The following MAPT variants were observed in gnomAD, a reference collection of about 807,000 sequenced individuals.
MAPT encodes the protein microtubule associated protein tau, also known as microtubule-associated protein tau.
A neutral mutation model predicts 67.9 loss-of-function variants in MAPT; 34 were observed. The ratio of observed to expected loss-of-function variants is 0.50; its 90% CI spans 0.38 to 0.67. MAPT has a LOEUF of 0.67. Among genes scored for constraint, MAPT ranks in the 30% least tolerant of loss-of-function variants. MAPT has a pLI of 0.00. For missense variants in MAPT, 881 were observed against 1,115.2 expected (o/e 0.79, Z 2.99); for synonymous variants, 456 against 464.5 (o/e 0.98, Z 0.23).
chr17:46,006,094 A>G (rs1442026490), intron 9 of MAPT, among the ~76,000 whole-genome samples: 1 of 152,224 alleles, frequency 6.6e-6, no homozygotes, highest in Admixed American at 6.5e-5. Flanking sequence ...AGAAGGAATT[A>G]CAAAGGAAGA....
Position 46,025,547 on chromosome 17 carries a change from G to A in MAPT, c.*1376G>A, listed in dbSNP as rs2076770596. On this transcript the variant is annotated 3_prime_UTR_variant, in exon 13 of 13. Coordinates refer to ENST00000262410, the MANE Select transcript of MAPT (RefSeq NM_001377265.1). ...CTCTCAGTTCCACTCATCCAACTGG[G>A]ACCCTCACCACGAATCTCATGATCT... 1 of 152,698 alleles carries A rather than the reference G, an allele frequency of 6.5e-6. No homozygotes were observed. Among genetic ancestry groups the A allele is most frequent in the Admixed American group, 6.5e-5 (1 of 15,274 alleles). 9.5% of individuals were successfully genotyped at this position (152,698 alleles called of 1,614,324 possible).
rs1253520131 is a variant in MAPT at position 46,025,984 on chromosome 17, T to G, written c.*1813T>G. 6.6e-6 allele frequency: 1 copy of G among 151,498 alleles called. No homozygotes were observed. The highest frequency in any genetic ancestry group is 1.5e-5 in the Non-Finnish European group (1 of 67,990). The allele number at this position is 151,498 out of a possible 1,614,324, so 9.4% of individuals were successfully genotyped here. A position where few individuals can be genotyped will look rare whatever the true frequency, so the allele number is the denominator to read the frequency against. ...TCTGTTCTGCTGGAGCAGCTGAACA[T>G]ATACATAGATGTTGCCCTGCCCTCC... is the stretch of plus-strand genomic sequence containing the variant. On this transcript the variant is annotated 3_prime_UTR_variant, in exon 13 of 13. Transcript: ENST00000262410.
At chr17:45,979,027 A>G (rs2072682990) in intron 4 of MAPT, 1 of 152,500 alleles carries the variant, frequency 6.6e-6, no homozygotes, top group Non-Finnish European at 1.5e-5. Flanking sequence ...AAACTCAAAT[A>G]TGTGTGACAG....
rs1176403626 is a variant in MAPT at position 45,946,631 on chromosome 17, T to C, written c.-17-15690T>C. 5.4e-5 allele frequency among the ~76,000 whole-genome samples: 7 copies of C among 130,184 alleles called. No homozygotes were observed. The East Asian group carries it at 1.4e-3, about 27-fold the overall frequency. The allele number at this position is 130,184 out of a possible 152,430, so 85.4% of individuals were successfully genotyped here. On this transcript the variant is annotated intron_variant, in intron 1 of 12. Coordinates refer to ENST00000262410, the MANE Select transcript of MAPT (RefSeq NM_001377265.1). ...AAAAAAAAAAATATATATATATATA[T>C]ATATATATGTCAAAAATGGGGTAGT...
Position 46,024,558 on chromosome 17 carries a change from C to T in MAPT, c.*387C>T. 1 of 348,810 alleles carries T rather than the reference C, an allele frequency of 2.9e-6. No individual in the cohort carries two copies. Among genetic ancestry groups the T allele is most frequent in the Non-Finnish European group, 5.5e-6 (1 of 181,782 alleles). 21.6% of individuals were successfully genotyped at this position (348,810 alleles called of 1,614,324 possible). A position where few individuals can be genotyped will look rare whatever the true frequency, so the allele number is the denominator to read the frequency against. On this transcript the variant is annotated 3_prime_UTR_variant, in exon 13 of 13. Coordinates refer to ENST00000262410, the MANE Select transcript of MAPT (RefSeq NM_001377265.1). ...GGGGGATTTCAAGGGACTGGGGGTG[C>T]CAACCACCTCTGGCCCTGTTGTGGG...
Position 46,022,645 on chromosome 17 carries a change from G to A in MAPT, c.2287-1311G>A, listed in dbSNP as rs537057037. 4.3e-4 allele frequency among the ~76,000 whole-genome samples: 66 copies of A among 152,276 alleles called. No homozygotes were observed. The South Asian group carries it at 4.4e-3, about 10-fold the overall frequency. ...GACCCAAAAAGGGCTGAGAATGACC[G>A]TGTCGGCCACTTCAGGGTCATCAGG... On this transcript the variant is annotated intron_variant, in intron 12 of 12. Transcript: ENST00000262410.
chr17:45,905,479 T>C (rs986569481), intron 1 of MAPT, among the ~76,000 whole-genome samples: 12 of 152,114 alleles, frequency 7.9e-5, no homozygotes, highest in African/African-American at 2.7e-4. Flanking sequence ...CGATGGCTGA[T>C]GAGAAATGCA....
intron 1 of MAPT, among the ~76,000 whole-genome samples, chr17:45,899,085 C>T (rs1271565286): frequency 1.3e-5 from 2 of 152,186 alleles, no homozygotes; most frequent in Non-Finnish European, 2.9e-5. Context: ...CCCAGCCTCA[C>T]CAGCTGGGCT....
chr17:45,924,307 G>A (rs576414980), intron 1 of MAPT, among the ~76,000 whole-genome samples: 5 of 152,184 alleles, frequency 3.3e-5, no homozygotes, highest in Non-Finnish European at 5.9e-5. Flanking sequence ...GTAGAGCCAC[G>A]TGCGCTTTAA....
At chr17:46,016,507 C>G (rs1422506635) in intron 11 of MAPT, among the ~76,000 whole-genome samples, 1 of 152,222 alleles carries the variant, frequency 6.6e-6, no homozygotes, top group African/African-American at 2.4e-5. Context: ...CGCGGTGGCT[C>G]ATGCCTGTAA....
chr17:45,946,615 A>AAAAAATAT, intron 1 of MAPT, among the ~76,000 whole-genome samples: 10 of 100,400 alleles, frequency 1.0e-4, no homozygotes, highest in African/African-American at 3.9e-4. Context: ...AAAAAAAAAA[A>AAAAAATAT]ATATATATAT....
rs76980614 is a variant in MAPT at position 46,017,440 on chromosome 17, A to ATTTTTTTTTTTTTTTTTTT, written c.2174-1166_2174-1148dup. Among the ~76,000 whole-genome samples, 35 of 62,996 alleles carry ATTTTTTTTTTTTTTTTTTT rather than the reference A, an allele frequency of 5.6e-4. 1 individual carries two copies. The highest frequency in any genetic ancestry group is 7.1e-4 in the African/African-American group (9 of 12,638). The allele number at this position is 62,996 out of a possible 152,430, so 41.3% of individuals were successfully genotyped here. A position where few individuals can be genotyped will look rare whatever the true frequency, so the allele number is the denominator to read the frequency against. The stretch of plus-strand genomic sequence containing the variant: ...AGGCACATGCCAACATGCCTGGCTA[A>ATTTTTTTTTTTTTTTTTTT]TTTTTTTTTTTTTTTTTTTTTTTTT... On this transcript the variant is annotated intron_variant, in intron 11 of 12. Transcript: ENST00000262410.
At chr17:45,972,197 C>A in intron 3 of MAPT, 1 of 662,100 alleles carries the variant, frequency 1.5e-6, no homozygotes, top group Non-Finnish European at 2.8e-6. Context: ...CACAGCTCCA[C>A]AAAGCCCCGC....
chr17:46,010,142 G>A lies in MAPT; in HGVS notation c.1999-168G>A, dbSNP rs118039425. 0.022 allele frequency among the ~76,000 whole-genome samples: 3,369 copies of A among 152,230 alleles called. 49 individuals carry two copies. Among genetic ancestry groups the A allele is most frequent in the Middle Eastern group, 0.058 (17 of 294 alleles). Reference sequence around the variant, plus strand: ...CCCCTGGGATGTGACTCAACCTCCCGTCACTCCCCAGACTGCCTCTGCCAA... The same window carrying A: ...CCCCTGGGATGTGACTCAACCTCCCATCACTCCCCAGACTGCCTCTGCCAA... On this transcript the variant is annotated intron_variant, in intron 9 of 12. Transcript: ENST00000262410. This position sits in a 1 kb window ranked among gnomAD's most constrained non-coding sequence, Gnocchi z 4.7.
chr17:45,915,050 C>T lies in MAPT; in HGVS notation c.-18+20364C>T, dbSNP rs964335538. Among the ~76,000 whole-genome samples, 1 of 152,112 alleles carries T rather than the reference C, an allele frequency of 6.6e-6. No homozygotes were observed. The highest frequency in any genetic ancestry group is 2.1e-4 in the South Asian group (1 of 4,820). ...TTAAAAAAGATTAAATGCATGTATA[C>T]GCTCAGGCATCAGCACACTTGGAAA... On this transcript the variant is annotated intron_variant, in intron 1 of 12. Coordinates refer to ENST00000262410, the MANE Select transcript of MAPT (RefSeq NM_001377265.1). The surrounding 1 kb of genome is among the most constrained non-coding windows in gnomAD (Gnocchi z 4.4).
intron 9 of MAPT, among the ~76,000 whole-genome samples, chr17:46,003,846 A>C (rs1338044461): frequency 1.4e-5 from 2 of 147,330 alleles, no homozygotes; most frequent in Non-Finnish European, 3.1e-5. Flanking sequence ...AGTGCTTCTG[A>C]AAAATCTGTG....
intron 5 of MAPT, among the ~76,000 whole-genome samples, chr17:45,986,553 T>C (rs2073559470): frequency 6.6e-6 from 1 of 152,096 alleles, no homozygotes; most frequent in Non-Finnish European, 1.5e-5. Flanking sequence ...GTGGAGACAA[T>C]GCACCCACCC....
rs1391160403 is a variant in MAPT at position 45,896,488 on chromosome 17, CCACTGGACTGGGCG to C, written c.-18+1805_-18+1818del. On this transcript the variant is annotated intron_variant, in intron 1 of 12. Coordinates refer to ENST00000262410, the MANE Select transcript of MAPT (RefSeq NM_001377265.1). The surrounding 1 kb of genome is among the most constrained non-coding windows in gnomAD (Gnocchi z 5.6). ...TTCGGCCACACCCATCTTTCTGAGC[CCACTGGACTGGGCG>C]CAGAGGGGGGATTGCCATGGAAACC... 2 of 152,338 alleles carry C rather than the reference CCACTGGACTGGGCG, an allele frequency of 1.3e-5. No individual in the cohort carries two copies. The highest frequency in any genetic ancestry group is 4.8e-5 in the African/African-American group (2 of 41,450). 9.4% of individuals were successfully genotyped at this position (152,338 alleles called of 1,614,324 possible).
intron 9 of MAPT, among the ~76,000 whole-genome samples, chr17:45,998,849 T>G (rs1232760356): frequency 6.6e-6 from 1 of 151,974 alleles, no homozygotes; most frequent in Non-Finnish European, 1.5e-5. Context: ...TGACTTTCAT[T>G]CTCCAGGGTG....
Sources: gnomAD v4.1 joint callset for allele counts (sites outside exome capture counted in the v4.1 genomes callset) on GRCh38, gnomAD v4.1.1 for gene constraint, Gnocchi (gnomAD v3.1) non-coding constraint, MANE v1.5 for transcripts, NCBI Gene and HGNC (gene_info 2026-07-23, HGNC 2026-07-21) for gene names.